INPP4B: variants seen among roughly 807,000 people sequenced by gnomAD.
The protein encoded by INPP4B is inositol polyphosphate-4-phosphatase type II B, also known as inositol polyphosphate 4-phosphatase type II.
A neutral mutation model predicts 122.5 loss-of-function variants in INPP4B; 55 were observed. The observed-to-expected ratio is 0.45, with a 90% CI of 0.36 to 0.56. The LOEUF (loss-of-function observed/expected upper bound fraction) is 0.56. INPP4B is among the 20% of genes least tolerant of loss of function. INPP4B has a pLI of 0.00. For missense variants in INPP4B, 1,000 were observed against 1,097.7 expected (o/e 0.91, Z 1.26); for synonymous variants, 403 against 388.7 (o/e 1.04, Z -0.43).
chr4:142,122,047 G>T, intron 21 of INPP4B, 81 bp downstream of exon 21: 2 of 852,446 alleles, frequency 2.3e-6, no homozygotes, highest in Non-Finnish European at 3.8e-6. Flanking sequence ...AATCAAACCT[G>T]AATTCTCCTT....
Position 142,409,770 on chromosome 4 carries a change from A to C in INPP4B, c.137-4446T>G, listed in dbSNP as rs896030540. On this transcript the variant is annotated intron_variant, in intron 5 of 25. Transcript: ENST00000262992. Reference sequence around the variant, plus strand: ...CAGGTGAACACTGGAACAGCTGCACAAAATACATCTGTTTGATAGATTTGG... The same window carrying C: ...CAGGTGAACACTGGAACAGCTGCACCAAATACATCTGTTTGATAGATTTGG... Among the ~76,000 whole-genome samples the C allele has an allele frequency of 2.0e-5, 3 of 152,196 alleles. 1 individual carries two copies. The highest frequency in any genetic ancestry group is 7.2e-5 in the African/African-American group (3 of 41,456).
rs1035391316 is a variant in INPP4B, at chr4:142,639,181, T to C, written c.-191+86658A>G. ...TACATTACTGGATTTGATTTCTTAG[T>C]ATTTTGTTGCATCTGTGTTCATAAG... is the stretch of plus-strand genomic sequence containing the variant. On this transcript the variant is annotated intron_variant, in intron 2 of 25. Coordinates refer to ENST00000262992, the MANE Select transcript of INPP4B (RefSeq NM_001101669.3). Among the ~76,000 whole-genome samples, 29 of 152,174 alleles carry C rather than the reference T, an allele frequency of 1.9e-4. 1 individual carries two copies. The highest frequency in any genetic ancestry group is 7.0e-4 in the African/African-American group (29 of 41,442).
chr4:142,054,449 G>A (rs1039776700), intron 25 of INPP4B, among the ~76,000 whole-genome samples: 2 of 151,910 alleles, frequency 1.3e-5, no homozygotes, highest in African/African-American at 4.8e-5. Context: ...TCCTTATTGT[G>A]CTGCTTAGAA....
intron 8 of INPP4B, 55 bp from the exon 9 acceptor site, chr4:142,305,592 C>T: frequency 1.3e-6 from 2 of 1,556,890 alleles, no homozygotes; most frequent in Non-Finnish European, 1.8e-6. Context: ...AATATTTTTG[C>T]TGTCACATCA....
intron 7 of INPP4B, among the ~76,000 whole-genome samples, chr4:142,347,214 A>G (rs560501049): frequency 3.9e-5 from 6 of 152,102 alleles, no homozygotes; most frequent in Non-Finnish European, 8.8e-5. Flanking sequence ...GCAAGACTTA[A>G]ATAAAAGATG....
At chr4:142,217,039 A>G (rs1358856213) in intron 12 of INPP4B, among the ~76,000 whole-genome samples, 1 of 152,212 alleles carries the variant, frequency 6.6e-6, no homozygotes, top group Non-Finnish European at 1.5e-5. Context: ...AATAGGCCTC[A>G]GGTTCTTTCC....
chr4:142,198,850 A>G (rs890296192), intron 14 of INPP4B, among the ~76,000 whole-genome samples: 10 of 152,006 alleles, frequency 6.6e-5, no homozygotes, highest in Non-Finnish European at 1.5e-4. Flanking sequence ...TCCAGTTCTC[A>G]CACTCTCCTA....
At chr4:142,310,003 C>T (rs1434263243) in intron 8 of INPP4B, among the ~76,000 whole-genome samples, 1 of 152,212 alleles carries the variant, frequency 6.6e-6, no homozygotes, top group African/African-American at 2.4e-5. Context: ...GCAGCAGATC[C>T]TCTGTGGCTC....
intron 18 of INPP4B, among the ~76,000 whole-genome samples, chr4:142,133,967 T>C (rs770549118): frequency 2.0e-5 from 3 of 152,218 alleles, no homozygotes; most frequent in African/African-American, 4.8e-5. Context: ...TATTTTTTTC[T>C]ACAGCCTCTG....
chr4:142,352,569 A>G (rs1782256375), intron 7 of INPP4B, among the ~76,000 whole-genome samples: 1 of 151,820 alleles, frequency 6.6e-6, no homozygotes, highest in South Asian at 2.1e-4. Context: ...GAGTTTAACA[A>G]ATTCACTTGC....
intron 2 of INPP4B, among the ~76,000 whole-genome samples, chr4:142,722,879 A>G (rs1343504747): frequency 6.6e-6 from 1 of 152,148 alleles, no homozygotes; most frequent in Non-Finnish European, 1.5e-5. Flanking sequence ...TTATTAATCA[A>G]CCTGCAAGTT....
Position 142,028,417 on chromosome 4 carries a change from G to A in INPP4B, c.*365C>T. On this transcript the variant is annotated 3_prime_UTR_variant, in exon 26 of 26. Transcript: ENST00000262992. ...TTCCCCCTCTCCTCTCTTCCATTTG[G>A]TTGGAGAGTGGTGCTCTGTGAATCA... 8.2e-6 allele frequency: 2 copies of A among 245,188 alleles called. No individual in the cohort carries two copies. The highest frequency in any genetic ancestry group is 1.6e-5 in the Non-Finnish European group (2 of 126,722). The allele number at this position is 245,188 out of a possible 1,614,324, so 15.2% of individuals were successfully genotyped here.
chr4:142,416,475 AT>A (rs560226629), intron 5 of INPP4B, among the ~76,000 whole-genome samples: 1 of 151,948 alleles, frequency 6.6e-6, no homozygotes, highest in Non-Finnish European at 1.5e-5. Context: ...TATTTAAGTA[AT>A]TTTTTTTCCT....
chr4:142,284,256 T>C (rs758466966), intron 9 of INPP4B, among the ~76,000 whole-genome samples: 1 of 152,136 alleles, frequency 6.6e-6, no homozygotes, highest in Non-Finnish European at 1.5e-5. Context: ...GGAGATTTGA[T>C]GGCATTTTTT....
At chr4:142,606,340 G>C (rs749458660) in intron 2 of INPP4B, among the ~76,000 whole-genome samples, 5 of 151,746 alleles carry the variant, frequency 3.3e-5, no homozygotes, top group East Asian at 1.9e-4. Context: ...TTTGACAGCA[G>C]ATCAAGGTAC....
intron 2 of INPP4B, among the ~76,000 whole-genome samples, chr4:142,650,322 A>G (rs575612913): frequency 6.6e-6 from 1 of 152,174 alleles, no homozygotes; most frequent in Admixed American, 6.5e-5. Context: ...CAGGCAAAAT[A>G]ACCAGCTAAC....
At chr4:142,249,167 A>T (rs1194903889) in intron 11 of INPP4B, among the ~76,000 whole-genome samples, 1 of 152,058 alleles carries the variant, frequency 6.6e-6, no homozygotes, top group African/African-American at 2.4e-5. Context: ...TTGGATTCCA[A>T]CTCACACAGT....
At chr4:142,272,108 C>G (rs934781256) in intron 9 of INPP4B, among the ~76,000 whole-genome samples, 6 of 152,106 alleles carry the variant, frequency 3.9e-5, no homozygotes, top group African/African-American at 1.4e-4. Context: ...TCACATCTTT[C>G]ATGAAATTTG....
chr4:142,170,428 T>G (rs1579156034), intron 16 of INPP4B, among the ~76,000 whole-genome samples: 1 of 151,792 alleles, frequency 6.6e-6, no homozygotes, highest in South Asian at 2.1e-4. Flanking sequence ...GTTTCCGTAG[T>G]CCTATGTACA....
Sources: allele counts gnomAD v4.1 joint callset (sites outside exome capture counted in the v4.1 genomes callset), GRCh38; gene constraint gnomAD v4.1.1; transcripts MANE v1.5; gene names NCBI Gene and HGNC (gene_info 2026-07-23, HGNC 2026-07-21).